The following CARD8 variants were observed in gnomAD, a reference collection of about 807,000 sequenced individuals.
CARD8 encodes the protein caspase recruitment domain-containing protein 8.
CARD8 carries 38 observed loss-of-function variants against 53.2 expected under a neutral mutation model. The observed-to-expected ratio is 0.71, with a 90% CI of 0.55 to 0.94. The LOEUF is 0.94. Among genes scored for constraint, CARD8 ranks in the 40% least tolerant of loss-of-function variants. The pLI, the probability that CARD8 is intolerant of heterozygous loss-of-function variation, is 0.00. For synonymous variants in CARD8, 245 were observed against 244.9 expected, an observed-to-expected ratio of 1.00 and a Z score of 0.00; for missense variants, 561 against 655.5, an observed-to-expected ratio of 0.86 and a Z score of 1.57.
chr19:48,250,018 GTTGTT>G (rs1031318802), intron 1 of CARD8, 171 bp from the exon 2 acceptor site: 4 of 152,008 alleles, frequency 2.6e-5, no homozygotes, highest in Non-Finnish European at 5.9e-5. Context: ...CCATACTCAA[GTTGTT>G]TTAATTTCTG....
intron 10 of CARD8, among the ~76,000 whole-genome samples, chr19:48,226,260 G>A (rs866358978): frequency 2.6e-4 from 39 of 151,848 alleles, no homozygotes; most frequent in African/African-American, 9.0e-4. Flanking sequence ...ACAGAGTTTC[G>A]TTCTGTTGCC....
intron 5 of CARD8, 49 bp downstream of exon 5, chr19:48,238,334 G>A (rs1286320603): frequency 6.6e-7 from 1 of 1,522,812 alleles, no homozygotes; most frequent in Non-Finnish European, 8.8e-7. Flanking sequence ...AACCAATGGA[G>A]CAAAATTCCA....
At chr19:48,247,760 A>G (rs2046352141) in intron 3 of CARD8, among the ~76,000 whole-genome samples, 1 of 132,890 alleles carries the variant, frequency 7.5e-6, no homozygotes, top group Admixed American at 7.3e-5. Flanking sequence ...GTTATTGTAT[A>G]TATATATATA....
At chr19:48,212,469 A>G (rs1450480585) in intron 13 of CARD8, among the ~76,000 whole-genome samples, 2 of 152,250 alleles carry the variant, frequency 1.3e-5, no homozygotes, top group African/African-American at 4.8e-5. Flanking sequence ...AGAACAGGGG[A>G]AAAGATACAG....
At chr19:48,226,477 G>A (rs927245224) in intron 10 of CARD8, among the ~76,000 whole-genome samples, 5 of 152,002 alleles carry the variant, frequency 3.3e-5, no homozygotes, top group African/African-American at 9.7e-5. Context: ...TGCTTGCCTC[G>A]GCCTCCCAAA....
chr19:48,223,937 T>C (rs969948813), intron 10 of CARD8: 1 of 451,718 alleles, frequency 2.2e-6, no homozygotes, highest in South Asian at 1.6e-5. Flanking sequence ...AACAGTACTG[T>C]TGAATAGAAA....
rs1041803968 is a variant in CARD8 at position 48,227,873 on chromosome 19, T to C, written c.1035+2565A>G. Among the ~76,000 whole-genome samples the C allele has an allele frequency of 2.6e-5, 4 of 151,342 alleles. 1 individual carries two copies. The highest frequency in any genetic ancestry group is 4.2e-4 in the South Asian group (2 of 4,776). ...GATAATATGGTGTCGCAGGATCATA[T>C]AGAGCAGAGATCCCCAACACCCGGG... On this transcript the variant is annotated intron_variant, in intron 10 of 13. Transcript: ENST00000651546.
At chr19:48,252,195 A>C (rs941665917) in intron 1 of CARD8, among the ~76,000 whole-genome samples, 42 of 152,184 alleles carry the variant, frequency 2.8e-4, no homozygotes, top group African/African-American at 9.4e-4. Flanking sequence ...GCAGCTGGGA[A>C]GTCTCCATGA....
chr19:48,253,065 A>G (rs548240046), intron 1 of CARD8, among the ~76,000 whole-genome samples: 120 of 152,274 alleles, frequency 7.9e-4, no homozygotes, highest in African/African-American at 2.9e-3. Flanking sequence ...TACATCCATG[A>G]TCTAAACAGA....
chr19:48,250,037 T>C (rs2046751651), intron 1 of CARD8, among the ~76,000 whole-genome samples, 190 bp from the exon 2 acceptor site: 1 of 152,232 alleles, frequency 6.6e-6, no homozygotes, highest in African/African-American at 2.4e-5. Context: ...ATTTCTGTAA[T>C]AATAATTTTT....
At chr19:48,218,708 T>C (rs1394533104) in intron 12 of CARD8, among the ~76,000 whole-genome samples, 163 bp downstream of exon 12, 1 of 152,080 alleles carries the variant, frequency 6.6e-6, no homozygotes, top group South Asian at 2.1e-4. Flanking sequence ...AAGGCCCCAG[T>C]GTGTGTTGTT....
chr19:48,238,450 T>A lies in CARD8; in HGVS notation c.142A>T (p.Ile48Leu). The A allele has an allele frequency of 2.0e-6, 3 of 1,536,252 alleles. No individual in the cohort carries two copies. The highest frequency in any genetic ancestry group is 1.7e-4 in the Middle Eastern group (1 of 5,994). Residue 48 changes from isoleucine to leucine, a missense_variant, in exon 5 of 14, where the codon ATA becomes TTA. Coordinates refer to ENST00000651546, the MANE Select transcript of CARD8 (RefSeq NM_001184900.3). ...GSRKLLVDNS[I>L]RELQYTKTGI... ...GTTTTTGTGTATTGCAGTTCCCGTA[T>A]GCTATTGTCAACCAACAGTTTCCGT...
At position 48,254,382 on chromosome 19, in the gene CARD8, T is replaced by C. The variant is rs144343579; in HGVS notation, c.-252+1410A>G. ...GAAATCCATCATTGAAAGTTCATTA[T>C]GTAAATAAATGTGAAGACTAGATAA... On this transcript the variant is annotated intron_variant, in intron 1 of 13. Transcript: ENST00000651546. Among the ~76,000 whole-genome samples the C allele has an allele frequency of 4.3e-3, 662 of 152,296 alleles. 7 individuals carry two copies. The highest frequency in any genetic ancestry group is 0.014 in the Middle Eastern group (4 of 294).
intron 11 of CARD8, among the ~76,000 whole-genome samples, chr19:48,220,853 G>A (rs2040361585): frequency 6.6e-6 from 1 of 151,776 alleles, no homozygotes; most frequent in South Asian, 2.1e-4. Context: ...GGCGGTTGTA[G>A]TGGGCCAAGA....
At chr19:48,232,651 A>T (rs2043129838) in intron 6 of CARD8, 158 bp from the exon 7 acceptor site, 1 of 727,468 alleles carries the variant, frequency 1.4e-6, no homozygotes, top group Non-Finnish European at 2.4e-6. Flanking sequence ...AAACTTAGGT[A>T]AACTTTAGTT....
chr19:48,218,833 T>A, intron 12 of CARD8, 38 bp downstream of exon 12: 1 of 1,606,812 alleles, frequency 6.2e-7, no homozygotes, highest in Non-Finnish European at 8.5e-7. Flanking sequence ...ACATGATGGA[T>A]CCCTGTCTAA....
intron 7 of CARD8, 132 bp downstream of exon 7, chr19:48,232,321 G>T: frequency 1.2e-6 from 1 of 804,246 alleles, no homozygotes; most frequent in South Asian, 1.5e-5. Context: ...ACTGCACAGT[G>T]CACTGTGGCA....
At chr19:48,248,995 C>T (rs1279036475) in intron 3 of CARD8, among the ~76,000 whole-genome samples, 4 of 152,094 alleles carry the variant, frequency 2.6e-5, no homozygotes, top group Non-Finnish European at 4.4e-5. Context: ...ATCAGGAGTT[C>T]GAAGCCAGAC....
chr19:48,229,389 G>A (rs34077037), intron 10 of CARD8, among the ~76,000 whole-genome samples: 5,405 of 152,264 alleles, frequency 0.035, 123 homozygotes, highest in African/African-American at 0.065. Context: ...GAAAACAGAA[G>A]TTATGCAAGA....
Sources: allele counts gnomAD v4.1 joint callset (sites outside exome capture counted in the v4.1 genomes callset), GRCh38; gene constraint gnomAD v4.1.1; transcripts MANE v1.5; gene names NCBI Gene and HGNC (gene_info 2026-07-23, HGNC 2026-07-21).